Variants in PDE9A observed in about 807,000 individuals in gnomAD.
PDE9A encodes the protein high affinity cGMP-specific 3',5'-cyclic phosphodiesterase 9A.
In PDE9A, 60 loss-of-function variants were observed where a neutral mutation model predicts 87.4. That is an observed-to-expected ratio of 0.69 (90% CI 0.56 to 0.85). PDE9A has a LOEUF of 0.85. Among genes scored for constraint, PDE9A ranks in the 40% least tolerant of loss-of-function variants. The probability of loss-of-function intolerance (pLI) is 0.00; values close to 1 mark genes in which losing one functional copy is unlikely to be tolerated. For synonymous variants in PDE9A, 272 were observed against 279.4 expected (o/e 0.97, Z 0.27); for missense variants, 665 against 779.0 (o/e 0.85, Z 1.74).
chr21:42,704,792 C>T lies in PDE9A; in HGVS notation c.262+5781C>T, dbSNP rs2048690195. 1.3e-5 allele frequency among the ~76,000 whole-genome samples: 2 copies of T among 152,246 alleles called. No homozygotes were observed. The highest frequency in any genetic ancestry group is 1.3e-4 in the Admixed American group (2 of 15,290). On this transcript the variant is annotated intron_variant, in intron 4 of 19. Coordinates refer to ENST00000291539, the MANE Select transcript of PDE9A (RefSeq NM_002606.3). The surrounding 1 kb of genome is among the most constrained non-coding windows in gnomAD (Gnocchi z 5.3). ...AGGGTGCAGGGAGGCCAACGCCACA[C>T]AGCCCCACACCCAGCCTTTCCCAAG... is the stretch of plus-strand genomic sequence containing the variant.
intron 6 of PDE9A, 93 bp downstream of exon 6, chr21:42,732,217 C>A: frequency 1.6e-6 from 2 of 1,266,116 alleles, no homozygotes; most frequent in Non-Finnish European, 2.2e-6. Flanking sequence ...CTGGCCTTGG[C>A]CGGCAAGCGT....
At chr21:42,670,465 C>G (rs796539080) in intron 1 of PDE9A, among the ~76,000 whole-genome samples, 24 of 151,992 alleles carry the variant, frequency 1.6e-4, no homozygotes, top group African/African-American at 5.3e-4. Context: ...CACAGACTTG[C>G]ACATAGACTT....
intron 2 of PDE9A, 56 bp downstream of exon 2, chr21:42,686,318 C>G (rs1210439461): frequency 1.2e-5 from 18 of 1,445,044 alleles, no homozygotes; most frequent in Non-Finnish European, 1.8e-5. Flanking sequence ...CTCGCCTTTT[C>G]GGGATGGCTG....
intron 1 of PDE9A, among the ~76,000 whole-genome samples, chr21:42,673,736 C>T (rs770948002): frequency 2.0e-5 from 3 of 152,148 alleles, no homozygotes; most frequent in African/African-American, 2.4e-5. Flanking sequence ...CAGTTTGTCA[C>T]GGTGGCCCCC....
rs1425142521 is a variant in PDE9A at position 42,759,471 on chromosome 21, AG to A, written c.897+387del. Reference sequence around the variant, plus strand: ...TGTGTGAGTGTGGGGTGTGGATGTGAGCATGGGGGTGTCTGCATGTGTTTGT... The same window carrying A: ...TGTGTGAGTGTGGGGTGTGGATGTGACATGGGGGTGTCTGCATGTGTTTGT... On this transcript the variant is annotated intron_variant, in intron 11 of 19. Coordinates refer to ENST00000291539, the MANE Select transcript of PDE9A (RefSeq NM_002606.3). The surrounding 1 kb of genome is among the most constrained non-coding windows in gnomAD (Gnocchi z 7.2). Among the ~76,000 whole-genome samples the A allele has an allele frequency of 7.4e-6, 1 of 135,062 alleles. No homozygotes were observed. The highest frequency in any genetic ancestry group is 1.6e-5 in the Non-Finnish European group (1 of 63,230). 88.6% of individuals were successfully genotyped at this position (135,062 alleles called of 152,430 possible).
intron 8 of PDE9A, 34 bp downstream of exon 8, chr21:42,743,894 C>T: frequency 7.6e-7 from 1 of 1,312,232 alleles, no homozygotes; most frequent in Non-Finnish European, 1.1e-6. Flanking sequence ...GGCGGCCGGG[C>T]CTGGGGAGGG....
At chr21:42,665,254 C>CTCAGGCT (rs966708444) in intron 1 of PDE9A, among the ~76,000 whole-genome samples, 6 of 152,230 alleles carry the variant, frequency 3.9e-5, no homozygotes, top group Admixed American at 2.6e-4. Context: ...ATGCCTCGAG[C>CTCAGGCT]TCAGGCTTCA....
At chr21:42,656,135 G>A (rs1244839958) in intron 1 of PDE9A, among the ~76,000 whole-genome samples, 3 of 152,114 alleles carry the variant, frequency 2.0e-5, no homozygotes, top group Non-Finnish European at 4.4e-5. Context: ...GCGTGAATCT[G>A]TCTCCCTGCC....
chr21:42,671,980 A>C (rs2058587423), intron 1 of PDE9A, among the ~76,000 whole-genome samples: 1 of 149,638 alleles, frequency 6.7e-6, no homozygotes, highest in South Asian at 2.1e-4. Context: ...TCTTGAGGGC[A>C]GACAAAGCCT....
At chr21:42,679,683 C>G (rs1386712810) in intron 1 of PDE9A, among the ~76,000 whole-genome samples, 1 of 151,928 alleles carries the variant, frequency 6.6e-6, no homozygotes, top group South Asian at 2.1e-4. Flanking sequence ...AGGGCCCAAG[C>G]GGAGACAGGA....
chr21:42,674,654 T>C (rs2058749048), intron 1 of PDE9A, among the ~76,000 whole-genome samples: 1 of 152,174 alleles, frequency 6.6e-6, no homozygotes, highest in Non-Finnish European at 1.5e-5. Flanking sequence ...CCAGGTCCTC[T>C]CTGCTGCCTC....
rs183200026 is a variant in PDE9A, at chr21:42,666,300, G to C, written c.69+12417G>C. Among the ~76,000 whole-genome samples, 139 of 152,350 alleles carry C rather than the reference G, an allele frequency of 9.1e-4. 2 individuals are homozygous for C. The highest frequency in any genetic ancestry group is 3.0e-3 in the African/African-American group (125 of 41,584). Reference sequence around the variant, plus strand: ...AGGATCTCAGCTGGAGCTGCCAGGGGCAGGGCTGGCACCAAAGCACTTCTG... The same window carrying C: ...AGGATCTCAGCTGGAGCTGCCAGGGCCAGGGCTGGCACCAAAGCACTTCTG... On this transcript the variant is annotated intron_variant, in intron 1 of 19. Coordinates refer to ENST00000291539, the MANE Select transcript of PDE9A (RefSeq NM_002606.3).
intron 1 of PDE9A, among the ~76,000 whole-genome samples, chr21:42,679,050 T>C (rs1463421227): frequency 2.0e-5 from 3 of 152,164 alleles, no homozygotes; most frequent in African/African-American, 7.2e-5. Flanking sequence ...ACAGGTGAGC[T>C]GGGAGAGCTG....
chr21:42,707,589 G>A (rs1416104550), intron 4 of PDE9A, among the ~76,000 whole-genome samples: 1 of 151,938 alleles, frequency 6.6e-6, no homozygotes, highest in Non-Finnish European at 1.5e-5. Flanking sequence ...CTCCCTCCCA[G>A]GGCTTCCTGG....
chr21:42,767,328 C>T (rs1418161444), intron 15 of PDE9A, among the ~76,000 whole-genome samples: 1 of 151,980 alleles, frequency 6.6e-6, no homozygotes, highest in Non-Finnish European at 1.5e-5. Flanking sequence ...GGTCTGGTGT[C>T]GGGACAGCTC....
At chr21:42,766,321 T>C (rs2056394600) in intron 15 of PDE9A, among the ~76,000 whole-genome samples, 1 of 152,118 alleles carries the variant, frequency 6.6e-6, no homozygotes, top group Admixed American at 6.5e-5. Context: ...CAAGGGTCTG[T>C]CTCAGATAAC....
At chr21:42,655,867 G>A (rs563041151) in intron 1 of PDE9A, among the ~76,000 whole-genome samples, 2 of 110,366 alleles carry the variant, frequency 1.8e-5, no homozygotes, top group South Asian at 3.2e-4. Context: ...AGCTGCCCCC[G>A]CCCTCTGCCC....
chr21:42,670,697 ACT>A (rs567648564), intron 1 of PDE9A, among the ~76,000 whole-genome samples: 48 of 151,414 alleles, frequency 3.2e-4, no homozygotes, highest in East Asian at 9.7e-4. Context: ...ATGCTCACAC[ACT>A]CACACATACA....
At chr21:42,720,494 CAATA>C (rs1354862140) in intron 4 of PDE9A, among the ~76,000 whole-genome samples, 1 of 151,866 alleles carries the variant, frequency 6.6e-6, no homozygotes, top group Non-Finnish European at 1.5e-5. Context: ...AACTCCATCT[CAATA>C]AATAAATAAA....
Sources: allele counts gnomAD v4.1 joint callset (sites outside exome capture counted in the v4.1 genomes callset), GRCh38; gene constraint gnomAD v4.1.1; non-coding constraint Gnocchi (gnomAD v3.1); transcripts MANE v1.5; gene names NCBI Gene and HGNC (gene_info 2026-07-23, HGNC 2026-07-21).